Variants in PPEF1 observed in about 807,000 individuals in gnomAD.
The protein encoded by PPEF1 is protein phosphatase with EF-hand domain 1.
PPEF1 carries 12 observed loss-of-function variants against 53.3 expected under a neutral mutation model. That is an observed-to-expected ratio of 0.23 (90% CI 0.14 to 0.36). PPEF1 has a LOEUF of 0.36. Ranked by LOEUF, PPEF1 falls within the 10% of genes least tolerant of loss-of-function variation. The pLI is 1.00. For synonymous variants in PPEF1, 165 were observed against 176.7 expected (o/e 0.93, Z 0.52); for missense variants, 334 against 490.4 (o/e 0.68, Z 3.01).
Position 18,804,180 on chromosome X carries a change from T to C in PPEF1, c.1251+103T>C, listed in dbSNP as rs1158263356. On this transcript the variant is annotated intron_variant, in intron 11 of 15. Coordinates refer to ENST00000470157, the MANE Select transcript of PPEF1 (RefSeq NM_001377996.1). ...GCCTAGAAGCCCATGAGAAGATGTC[T>C]TCTCTAGTACCAAACAGAAACCAGA... 8 of 768,664 alleles carry C rather than the reference T, an allele frequency of 1.0e-5. No individual in the cohort carries two copies. In the East Asian group the frequency reaches 2.8e-4, roughly 27 times the overall value. The allele number at this position is 768,664 out of a possible 1,213,427, so 63.3% of individuals were successfully genotyped here.
intron 4 of PPEF1, among the ~76,000 whole-genome samples, chrX:18,694,173 G>A: frequency 8.9e-6 from 1 of 111,816 alleles, no homozygotes. Flanking sequence ...TTCATTGTAT[G>A]GATGTCCCAC....
At position 18,798,427 on chromosome X, in the gene PPEF1, T is replaced by C. The variant is rs1336773817; in HGVS notation, c.1066-5465T>C. On this transcript the variant is annotated intron_variant, in intron 10 of 15. Coordinates refer to ENST00000470157, the MANE Select transcript of PPEF1 (RefSeq NM_001377996.1). ...AGGTGTCTTGGCTGGTCAGGAATGA[T>C]AGAGTAGGATTTGATCCTGAGGTTG... 4.5e-5 allele frequency among the ~76,000 whole-genome samples: 5 copies of C among 111,960 alleles called. No homozygotes were observed. In the South Asian group the frequency reaches 1.9e-3, roughly 42 times the overall value.
chrX:18,697,149 A>G (rs921185464), intron 4 of PPEF1, among the ~76,000 whole-genome samples: 20 of 112,050 alleles, frequency 1.8e-4, no homozygotes, highest in Non-Finnish European at 3.0e-4. Context: ...CCATGGACTA[A>G]CTAAATGTCC....
At chrX:18,760,503 G>C (rs1235425976) in intron 5 of PPEF1, among the ~76,000 whole-genome samples, 4 of 111,638 alleles carry the variant, frequency 3.6e-5, no homozygotes, top group East Asian at 2.8e-4. Context: ...TCCTATGGTA[G>C]GCACTTGGGG....
At chrX:18,726,568 T>C (rs7886631) in intron 1 of PPEF1, among the ~76,000 whole-genome samples, 2,354 of 111,020 alleles carry the variant, frequency 0.021, 60 homozygotes, top group African/African-American at 0.073. Flanking sequence ...GAGATGATGA[T>C]GCTTGTGGGG....
chrX:18,693,225 C>T (rs1345873242), intron 4 of PPEF1, among the ~76,000 whole-genome samples: 1 of 111,723 alleles, frequency 9.0e-6, no homozygotes, highest in Admixed American at 9.5e-5. Context: ...ATTATCTGCC[C>T]CAGCCCATTA....
chrX:18,757,639 C>T lies in PPEF1; in HGVS notation c.409C>T (p.His137Tyr), dbSNP rs1363845242. The T allele has an allele frequency of 8.3e-7, 1 of 1,202,968 alleles. No homozygotes were observed. Among genetic ancestry groups the T allele is most frequent in the Non-Finnish European group, 1.1e-6 (1 of 888,116 alleles). ...AFKEQQILHA[H>Y]YVLEVLFETK... ...TTCCCGCTCACAGATACTTCATGCC[C>T]ATTATGTCTTAGAGGTGCTATTTGA... The change falls in exon 5 of 16, where the codon CAT becomes TAT. Residue 137 changes from histidine to tyrosine, a missense_variant. Transcript: ENST00000470157.
chrX:18,757,539 C>A (rs1416550446), intron 4 of PPEF1, 88 bp from the exon 5 acceptor site: 1 of 642,754 alleles, frequency 1.6e-6, no homozygotes, highest in Non-Finnish European at 2.5e-6. Context: ...CTGAAACGTG[C>A]GTGCTTGCTC....
chrX:18,705,629 C>T (rs1411816041), upstream of PPEF1, among the ~76,000 whole-genome samples: 2 of 111,571 alleles, frequency 1.8e-5, no homozygotes, highest in Non-Finnish European at 3.8e-5. Context: ...GTAGGAGAAT[C>T]ACTTGAGCCC....
intron 4 of PPEF1, chrX:18,691,697 A>G (rs1321513041): frequency 8.9e-6 from 1 of 112,384 alleles, no homozygotes; most frequent in Non-Finnish European, 1.9e-5. Flanking sequence ...AAACGTAAGC[A>G]CATACAAGAT....
At chrX:18,716,286 A>C (rs1394477004) in intron 1 of PPEF1, among the ~76,000 whole-genome samples, 1 of 111,426 alleles carries the variant, frequency 9.0e-6, no homozygotes, top group Non-Finnish European at 1.9e-5. Flanking sequence ...TAATCCCAGC[A>C]CTTTGGGAGG....
In PPEF1 at chrX:18,694,663, G is replaced by A. The variant is rs191150499; in HGVS notation, c.-312-3182G>A. 1.2e-4 allele frequency among the ~76,000 whole-genome samples: 13 copies of A among 111,943 alleles called. No homozygotes were observed. In the East Asian group the frequency reaches 2.8e-3, roughly 24 times the overall value. On this transcript the variant is annotated intron_variant, in intron 4 of 21. Coordinates refer to the PPEF1 transcript ENST00000361511. ...GAGGTGGAAGGATAGCTTGAGCCCAGAAAGTTGAAGTTGCAGTGAGCTGTG... is the reference window on the plus strand; with the variant it reads ...GAGGTGGAAGGATAGCTTGAGCCCAAAAAGTTGAAGTTGCAGTGAGCTGTG...
intron 2 of PPEF1, among the ~76,000 whole-genome samples, chrX:18,733,523 T>C (rs2044886826): frequency 8.9e-6 from 1 of 111,797 alleles, no homozygotes; most frequent in Non-Finnish European, 1.9e-5. Context: ...AGCCAGTCGT[T>C]GTCTCTGGGC....
At chrX:18,743,345 A>G (rs2045230812) in intron 3 of PPEF1, among the ~76,000 whole-genome samples, 1 of 109,959 alleles carries the variant, frequency 9.1e-6, no homozygotes, top group South Asian at 3.8e-4. Context: ...CATTTTAGTC[A>G]TTCTGGTGAA....
Position 18,818,042 on chromosome X carries a change from G to A in PPEF1, c.1398G>A (p.Val466=). The change falls in exon 13 of 16, where the codon GTG becomes GTA. Residue 466 remains valine, a synonymous_variant. Transcript: ENST00000470157. The stretch of plus-strand genomic sequence containing the variant: ...CTAATTATTGTTTTCTTTGCAGAGT[G>A]GATACTATGGAAAACAGCGCCATCA... ...ATCFQPLRQR[V]DTMENSAIKI... is the part of the protein sequence containing the mutation. 1 of 1,173,156 alleles carries A rather than the reference G, an allele frequency of 8.5e-7. No individual in the cohort carries two copies. Among genetic ancestry groups the A allele is most frequent in the South Asian group, 1.9e-5 (1 of 52,308 alleles).
In PPEF1 at chrX:18,778,941, T is replaced by C. The variant is rs2046026085; in HGVS notation, c.559-69T>C. ...TTTTTCCATATTAACAGGGATGTTA[T>C]GTACACGGCCTGACTTTAAAAGTAT... On this transcript the variant is annotated intron_variant, in intron 6 of 15. Transcript: ENST00000470157. The C allele has an allele frequency of 4.0e-6, 4 of 996,750 alleles. No homozygotes were observed. In the Admixed American group the frequency reaches 8.1e-5, roughly 20 times the overall value. 82.1% of individuals were successfully genotyped at this position (996,750 alleles called of 1,213,427 possible). A position where few individuals can be genotyped will look rare whatever the true frequency, so the allele number is the denominator to read the frequency against.
rs767149174 is a variant in PPEF1, at chrX:18,818,060, C to A, written c.1416C>A (p.Ser472Arg). The change falls in exon 13 of 16, where the codon AGC becomes AGA. Residue 472 changes from serine (S) to arginine (R), a missense_variant. By Grantham distance (110) the Ser-to-Arg change is moderately radical. Transcript: ENST00000470157. Reference protein sequence around the residue: ...LRQRVDTMENSAIKILRERVI... With the variant: ...LRQRVDTMENRAIKILRERVI... The stretch of plus-strand genomic sequence containing the variant: ...GCAGAGTGGATACTATGGAAAACAG[C>A]GCCATCAAGATATTAAGAGAGAGAG... 2 of 1,200,324 alleles carry A rather than the reference C, an allele frequency of 1.7e-6. No individual in the cohort carries two copies. Among genetic ancestry groups the A allele is most frequent in the Admixed American group, 4.4e-5 (2 of 44,987 alleles).
intron 3 of PPEF1, among the ~76,000 whole-genome samples, chrX:18,738,620 C>T (rs1453403283): frequency 3.6e-5 from 4 of 111,256 alleles, no homozygotes; most frequent in South Asian, 3.8e-4. Context: ...TTGTTCTTCT[C>T]GAGGAGTATC....
chrX:18,706,167 G>A (rs1028600536), upstream of PPEF1, among the ~76,000 whole-genome samples: 18 of 99,991 alleles, frequency 1.8e-4, no homozygotes, highest in African/African-American at 5.9e-4. Context: ...GCAGCGAGCC[G>A]TGATTGTGCC....
Sources: gnomAD v4.1 joint callset for allele counts (sites outside exome capture counted in the v4.1 genomes callset) on GRCh38, gnomAD v4.1.1 for gene constraint, MANE v1.5 for transcripts, NCBI Gene and HGNC (gene_info 2026-07-23, HGNC 2026-07-21) for gene names.